Variants in SAMD5 observed in about 807,000 individuals in gnomAD.
SAMD5 encodes the protein sterile alpha motif domain-containing protein 5.
A neutral mutation model predicts 11.3 loss-of-function variants in SAMD5; 13 were observed. The observed-to-expected ratio is 1.15, with a 90% CI of 0.75 to 1.83. The LOEUF is 1.83. Ranked by LOEUF, SAMD5 falls within the 40% of genes most tolerant of loss-of-function variation. The pLI is 0.00. For synonymous variants in SAMD5, 129 were observed against 111.3 expected (o/e 1.16, Z -1.00); for missense variants, 255 against 239.1 (o/e 1.07, Z -0.44).
intron 1 of SAMD5, among the ~76,000 whole-genome samples, chr6:147,540,192 A>C (rs554895350): frequency 1.1e-3 from 161 of 152,316 alleles, no homozygotes; most frequent in African/African-American, 3.6e-3. Flanking sequence ...GAAAACCTCA[A>C]TAAATGGCAA....
the SAMD5 span, among the ~76,000 whole-genome samples, chr6:147,884,242 G>A: frequency 1.3e-5 from 2 of 152,282 alleles, no homozygotes; most frequent in Admixed American, 6.5e-5. Context: ...TCTAGGGAGG[G>A]CTGGCGCATT....
rs1788160851 is a variant in SAMD5 at position 147,515,733 on chromosome 6, C to T, written c.459+6346C>T. ...TCTCTGCTTGTATGTGGAGGCCTAA[C>T]CTAATGCCTGATGTATAATAGTTGC... is the stretch of plus-strand genomic sequence containing the variant. On this transcript the variant is annotated intron_variant, in intron 1 of 1. Coordinates refer to ENST00000367474, the MANE Select transcript of SAMD5 (RefSeq NM_001030060.3). Among the ~76,000 whole-genome samples the T allele has an allele frequency of 1.3e-5, 2 of 152,194 alleles. 1 individual carries two copies. Among genetic ancestry groups the T allele is most frequent in the East Asian group, 3.9e-4 (2 of 5,176 alleles).
chr6:147,530,687 G>A (rs2128441071), intron 1 of SAMD5, among the ~76,000 whole-genome samples: 1 of 152,338 alleles, frequency 6.6e-6, no homozygotes, highest in South Asian at 2.1e-4. Context: ...TCCTGCAAAA[G>A]CTAAGAATCA....
the SAMD5 span, among the ~76,000 whole-genome samples, chr6:147,843,533 C>A: frequency 6.6e-6 from 1 of 152,054 alleles, no homozygotes; most frequent in African/African-American, 2.4e-5. Context: ...TTCAAACAGT[C>A]AAAGCCATCT....
At chr6:147,847,768 G>T in the SAMD5 span, among the ~76,000 whole-genome samples, 1 of 152,092 alleles carries the variant, frequency 6.6e-6, no homozygotes, top group African/African-American at 2.4e-5. Context: ...CAGGAAAATC[G>T]CTTGAACCTG....
At chr6:147,938,155 G>A in the SAMD5 span, among the ~76,000 whole-genome samples, 7 of 152,296 alleles carry the variant, frequency 4.6e-5, no homozygotes, top group East Asian at 1.3e-3. Flanking sequence ...TATGTAATGG[G>A]GAGAAGTGAG....
At chr6:147,880,127 G>T in the SAMD5 span, among the ~76,000 whole-genome samples, 1 of 152,154 alleles carries the variant, frequency 6.6e-6, no homozygotes, top group African/African-American at 2.4e-5. Flanking sequence ...GAGAGAAGAA[G>T]CATTTTTGTT....
At chr6:147,545,028 A>T (rs1788663793) in intron 1 of SAMD5, among the ~76,000 whole-genome samples, 1 of 152,222 alleles carries the variant, frequency 6.6e-6, no homozygotes, top group African/African-American at 2.4e-5. Context: ...TAATGGGGCC[A>T]GTGCAGTAAT....
intron 1 of SAMD5, among the ~76,000 whole-genome samples, chr6:147,603,466 A>G (rs746458488): frequency 2.0e-5 from 3 of 152,172 alleles, no homozygotes; most frequent in Non-Finnish European, 4.4e-5. Context: ...CCTTACTTCA[A>G]AACTACAGGG....
chr6:147,749,686 T>C, the SAMD5 span, among the ~76,000 whole-genome samples: 4 of 152,108 alleles, frequency 2.6e-5, no homozygotes, highest in South Asian at 4.2e-4. Context: ...GAACCTTGAG[T>C]TGTATTCAGA....
intron 1 of SAMD5, among the ~76,000 whole-genome samples, chr6:147,520,359 G>A (rs557496394): frequency 1.3e-5 from 2 of 152,242 alleles, no homozygotes; most frequent in South Asian, 4.2e-4. Flanking sequence ...GACCTCAGGT[G>A]ATCCACCTGC....
At chr6:147,682,829 T>G (rs1790958968) in intron 1 of SAMD5, among the ~76,000 whole-genome samples, 1 of 152,228 alleles carries the variant, frequency 6.6e-6, no homozygotes, top group African/African-American at 2.4e-5. Context: ...TGTCTTTGTT[T>G]CTTATATATT....
chr6:147,697,408 C>T (rs1008421659), intron 1 of SAMD5, among the ~76,000 whole-genome samples: 1 of 152,128 alleles, frequency 6.6e-6, no homozygotes, highest in Non-Finnish European at 1.5e-5. Flanking sequence ...AACTTCCACT[C>T]ACATCTGCAT....
chr6:147,932,900 A>T, the SAMD5 span, among the ~76,000 whole-genome samples: 1 of 152,188 alleles, frequency 6.6e-6, no homozygotes, highest in Admixed American at 6.5e-5. Flanking sequence ...CTGTAGGAAA[A>T]TCATGATGAT....
chr6:147,816,293 A>ATATATAT, the SAMD5 span, among the ~76,000 whole-genome samples: 3 of 91,584 alleles, frequency 3.3e-5, no homozygotes, highest in African/African-American at 1.7e-4. Flanking sequence ...AAAAAAAAAA[A>ATATATAT]AAAAAAAAAT....
chr6:147,840,553 G>C, the SAMD5 span, among the ~76,000 whole-genome samples: 3,410 of 152,266 alleles, frequency 0.022, 63 homozygotes, highest in Non-Finnish European at 0.032. Flanking sequence ...AGGATAAAAG[G>C]GCTGAAGTAA....
chr6:147,737,588 G>A (rs76601327), downstream of SAMD5: 979 of 158,666 alleles, frequency 6.2e-3, 7 homozygotes, highest in Non-Finnish European at 9.0e-3. Context: ...CCTTAGAACT[G>A]AAGTTTTAAA....
chr6:147,688,710 C>T (rs73014014), intron 1 of SAMD5, among the ~76,000 whole-genome samples: 17,464 of 152,208 alleles, frequency 0.11, 1,099 homozygotes, highest in Middle Eastern at 0.16. Context: ...CTCACTTCTC[C>T]AAGCTTCTCT....
rs1017681620 is a variant in SAMD5 at position 147,679,068 on chromosome 6, A to G, written c.163-58249A>G. 2.0e-5 allele frequency among the ~76,000 whole-genome samples: 3 copies of G among 151,928 alleles called. No homozygotes were observed. In the East Asian group the frequency reaches 5.8e-4, roughly 29 times the overall value. The stretch of plus-strand genomic sequence containing the variant: ...TATACCACAATTTGTTTACCCATTC[A>G]CCTGTTGATGGGTGTTTGGGTTGTT... On this transcript the variant is annotated intron_variant, in intron 1 of 1. Coordinates refer to the SAMD5 transcript ENST00000566741.
Sources: gnomAD v4.1 joint callset for allele counts (sites outside exome capture counted in the v4.1 genomes callset) on GRCh38, gnomAD v4.1.1 for gene constraint, MANE v1.5 for transcripts, NCBI Gene and HGNC (gene_info 2026-07-23, HGNC 2026-07-21) for gene names.